Variants in TSNARE1 observed in about 807,000 individuals in gnomAD.
TSNARE1 encodes the protein t-SNARE domain containing 1, also known as t-SNARE domain-containing protein 1.
Under a neutral mutation model 62.0 loss-of-function variants are expected in TSNARE1, and 49 were observed. The ratio of observed to expected loss-of-function variants is 0.79; its 90% confidence interval spans 0.63 to 1.00. The LOEUF (loss-of-function observed/expected upper bound fraction) is 1.00. Ranked by LOEUF, TSNARE1 falls within the 50% of genes least tolerant of loss-of-function variation. The pLI, the probability that TSNARE1 is intolerant of heterozygous loss-of-function variation, is 0.00. For synonymous variants in TSNARE1, 328 were observed against 294.4 expected, an observed-to-expected ratio of 1.11 and a Z score of -1.17; for missense variants, 755 against 700.1, an observed-to-expected ratio of 1.08 and a Z score of -0.88.
intron 12 of TSNARE1, among the ~76,000 whole-genome samples, chr8:142,234,864 C>G (rs946479862): frequency 2.0e-5 from 3 of 151,840 alleles, no homozygotes; most frequent in African/African-American, 7.3e-5. Flanking sequence ...CTCGTCCCCC[C>G]ACAACATCCT....
At chr8:142,397,277 G>A (rs954571404) in intron 1 of TSNARE1, among the ~76,000 whole-genome samples, 4 of 148,804 alleles carry the variant, frequency 2.7e-5, no homozygotes, top group Admixed American at 1.3e-4. Flanking sequence ...AGGCAGCTCC[G>A]CCTACCCTGG....
intron 12 of TSNARE1, among the ~76,000 whole-genome samples, chr8:142,257,555 C>T (rs779738124): frequency 8.6e-4 from 131 of 152,262 alleles, no homozygotes; most frequent in Non-Finnish European, 5.9e-4. Context: ...TGCTTGGCTC[C>T]GGGACACTGG....
intron 7 of TSNARE1, 21 bp downstream of exon 7, chr8:142,318,523 C>A: frequency 1.2e-6 from 2 of 1,608,496 alleles, no homozygotes; most frequent in Non-Finnish European, 1.7e-6. Context: ...TCCCTCCCAG[C>A]CCCAGACCCC....
At chr8:142,255,482 CCATCAT>C (rs1256024004) in intron 12 of TSNARE1, among the ~76,000 whole-genome samples, 16 of 17,708 alleles carry the variant, frequency 9.0e-4, no homozygotes, top group East Asian at 2.1e-3. Flanking sequence ...ACCACCATCA[CCATCAT>C]CATCACCACC....
At chr8:142,292,252 G>A (rs1586599405) in intron 10 of TSNARE1, among the ~76,000 whole-genome samples, 3 of 152,310 alleles carry the variant, frequency 2.0e-5, no homozygotes, top group Admixed American at 2.0e-4. Flanking sequence ...AGGGAAAGCA[G>A]TCTCAGCTTT....
At chr8:142,236,905 C>T (rs1240183730) in intron 12 of TSNARE1, among the ~76,000 whole-genome samples, 4 of 152,200 alleles carry the variant, frequency 2.6e-5, no homozygotes, top group African/African-American at 7.2e-5. Context: ...ATGCACCCTG[C>T]GGCGGTCATG....
intron 11 of TSNARE1, among the ~76,000 whole-genome samples, 193 bp downstream of exon 11, chr8:142,284,195 TCAATGAGCGGAGCAGGGACTAGTGG>T (rs1822290058): frequency 6.6e-6 from 1 of 152,090 alleles, no homozygotes; most frequent in South Asian, 2.1e-4. Context: ...GGGACCAGTG[TCAATGAGCGGAGCAGGGACTAGTGG>T]CAACGAGCGG....
chr8:142,294,941 G>A (rs918392815), intron 10 of TSNARE1, among the ~76,000 whole-genome samples: 14 of 152,154 alleles, frequency 9.2e-5, no homozygotes, highest in South Asian at 4.1e-4. Flanking sequence ...GCTGCCAGCC[G>A]CCAGCACTCA....
chr8:142,274,689 G>A, intron 12 of TSNARE1, 92 bp downstream of exon 12: 2 of 1,392,538 alleles, frequency 1.4e-6, no homozygotes, highest in African/African-American at 1.5e-5. Flanking sequence ...ACAGGGCAGG[G>A]CCTGGGCCCC....
At chr8:142,313,386 A>G (rs193092456) in intron 9 of TSNARE1, among the ~76,000 whole-genome samples, 267 of 140,690 alleles carry the variant, frequency 1.9e-3, no homozygotes, top group African/African-American at 7.0e-3. Flanking sequence ...CTGCATGTCT[A>G]TGTGTCTGCG....
chr8:142,328,494 T>G (rs548581940), intron 6 of TSNARE1, among the ~76,000 whole-genome samples: 4 of 152,362 alleles, frequency 2.6e-5, no homozygotes, highest in Admixed American at 1.3e-4. Context: ...GGGATAAATA[T>G]TCTTGCCTTT....
intron 1 of TSNARE1, among the ~76,000 whole-genome samples, chr8:142,392,177 C>G (rs1014892647): frequency 6.6e-6 from 1 of 152,150 alleles, no homozygotes; most frequent in African/African-American, 2.4e-5. Context: ...GGGCGCACCA[C>G]CATGCCCGGC....
intron 1 of TSNARE1, among the ~76,000 whole-genome samples, chr8:142,383,514 C>G (rs1428754477): frequency 2.0e-5 from 3 of 152,198 alleles, no homozygotes; most frequent in Admixed American, 6.5e-5. Context: ...GAGCCACAGA[C>G]GGCAAGCTGC....
At chr8:142,278,915 C>A (rs1488157893) in intron 11 of TSNARE1, 20 of 517,534 alleles carry the variant, frequency 3.9e-5, no homozygotes, top group Non-Finnish European at 4.7e-5. Flanking sequence ...CCTGGCTCTG[C>A]CCAAACTCCT....
intron 12 of TSNARE1, among the ~76,000 whole-genome samples, chr8:142,250,792 T>C (rs1248927594): frequency 6.6e-6 from 1 of 152,214 alleles, no homozygotes; most frequent in Non-Finnish European, 1.5e-5. Context: ...CAAGGCTGCC[T>C]GCTCCAAGGA....
intron 13 of TSNARE1, among the ~76,000 whole-genome samples, chr8:142,227,269 C>G (rs892226823): frequency 6.6e-6 from 1 of 151,410 alleles, no homozygotes; most frequent in Non-Finnish European, 1.5e-5. Context: ...CAGCCAGGAC[C>G]TCCACTGCAC....
At chr8:142,270,387 A>G (rs2058578884) in intron 12 of TSNARE1, 1 of 985,354 alleles carries the variant, frequency 1.0e-6, no homozygotes, top group Non-Finnish European at 1.2e-6. Context: ...CTGCTTTGTC[A>G]TTTTATGCTT....
intron 1 of TSNARE1, among the ~76,000 whole-genome samples, chr8:142,387,156 G>C (rs1837167588): frequency 6.6e-6 from 1 of 152,110 alleles, no homozygotes; most frequent in African/African-American, 2.4e-5. Context: ...ACAAAATCAG[G>C]AAATTAAAAG....
chr8:142,314,959 C>G lies in TSNARE1; in HGVS notation c.1074+44G>C, dbSNP rs769838215. ...CAGTGCTCCGGGAACCGAGGCCGAC[C>G]CCACCTGGCCTGCAGACCCCCACTG... On this transcript the variant is annotated intron_variant, in intron 8 of 13. Transcript: ENST00000524325. 25 of 1,597,054 alleles carry G rather than the reference C, an allele frequency of 1.6e-5. No homozygotes were observed. In the East Asian group the frequency reaches 4.5e-4, roughly 29 times the overall value.
Sources: gnomAD v4.1 joint callset for allele counts (sites outside exome capture counted in the v4.1 genomes callset) on GRCh38, gnomAD v4.1.1 for gene constraint, MANE v1.5 for transcripts, NCBI Gene and HGNC (gene_info 2026-07-23, HGNC 2026-07-21) for gene names.